GABRB1: variants seen among roughly 807,000 people sequenced by gnomAD.
The protein encoded by GABRB1 is gamma-aminobutyric acid receptor subunit beta-1.
A neutral mutation model predicts 51.6 loss-of-function variants in GABRB1; 17 were observed. The observed-to-expected ratio is 0.33, with a 90% CI of 0.23 to 0.49. The LOEUF (loss-of-function observed/expected upper bound fraction) is 0.49, where lower values mean the gene tolerates loss of function less well. Among genes scored for constraint, GABRB1 ranks in the 20% least tolerant of loss-of-function variants. The pLI, the probability that GABRB1 is intolerant of heterozygous loss-of-function variation, is 0.99. For synonymous variants in GABRB1, 247 were observed against 218.9 expected (o/e 1.13, Z -1.14); for missense variants, 410 against 600.6 (o/e 0.68, Z 3.32).
intron 5 of GABRB1, among the ~76,000 whole-genome samples, chr4:47,324,344 C>T (rs6447546): frequency 0.62 from 93,412 of 151,802 alleles, 28,866 homozygotes; most frequent in East Asian, 0.7. Flanking sequence ...TATCTCTAGT[C>T]CACACACATA....
intron 4 of GABRB1, among the ~76,000 whole-genome samples, chr4:47,197,919 T>G (rs1462862176): frequency 6.6e-6 from 1 of 152,206 alleles, no homozygotes; most frequent in Admixed American, 6.5e-5. Context: ...TTAAAGCATA[T>G]TCTTCCCAGT....
At chr4:47,381,760 C>G (rs142693006) in intron 5 of GABRB1, among the ~76,000 whole-genome samples, 97 of 152,302 alleles carry the variant, frequency 6.4e-4, no homozygotes, top group African/African-American at 2.2e-3. Context: ...CTCTTTCCCC[C>G]CTTCCCTGCC....
At chr4:47,380,491 GTC>G (rs1727557273) in intron 5 of GABRB1, among the ~76,000 whole-genome samples, 1 of 152,132 alleles carries the variant, frequency 6.6e-6, no homozygotes, top group Non-Finnish European at 1.5e-5. Context: ...CATGCTCAGA[GTC>G]CTTTAATTAG....
intron 4 of GABRB1, among the ~76,000 whole-genome samples, chr4:47,195,223 C>T (rs1219693921): frequency 2.0e-5 from 3 of 152,034 alleles, no homozygotes; most frequent in African/African-American, 7.2e-5. Flanking sequence ...AAAAATTAGC[C>T]GGGCATTGTG....
chr4:47,100,392 C>A (rs977995533), intron 3 of GABRB1, among the ~76,000 whole-genome samples: 1 of 152,006 alleles, frequency 6.6e-6, no homozygotes, highest in Non-Finnish European at 1.5e-5. Context: ...GCTGGTTAAA[C>A]CTCTTGAGGA....
chr4:47,025,235 G>A (rs1019853618), intron 1 of GABRB1, among the ~76,000 whole-genome samples: 1 of 151,522 alleles, frequency 6.6e-6, no homozygotes, highest in African/African-American at 2.4e-5. Context: ...TTCATATACT[G>A]ATTTATTTTC....
At chr4:47,398,569 GAGAGAGAGAC>G (rs1235964215) in intron 5 of GABRB1, among the ~76,000 whole-genome samples, 7 of 152,128 alleles carry the variant, frequency 4.6e-5, no homozygotes, top group African/African-American at 1.2e-4. Flanking sequence ...GAGAGAGAGA[GAGAGAGAGAC>G]AGAGAGAGAG....
chr4:47,131,415 C>A (rs1260274992), intron 3 of GABRB1, among the ~76,000 whole-genome samples: 6 of 152,194 alleles, frequency 3.9e-5, no homozygotes, highest in African/African-American at 1.4e-4. Flanking sequence ...GCCTCGGCCT[C>A]CCAAAGTGCT....
At chr4:47,345,429 G>A (rs946405213) in intron 5 of GABRB1, among the ~76,000 whole-genome samples, 2 of 152,134 alleles carry the variant, frequency 1.3e-5, no homozygotes, top group Non-Finnish European at 2.9e-5. Context: ...GAGTTTTTTT[G>A]AGATTGTGTC....
chr4:47,259,074 A>G (rs1057414208), intron 4 of GABRB1, among the ~76,000 whole-genome samples: 6 of 152,078 alleles, frequency 3.9e-5, no homozygotes, highest in Admixed American at 2.6e-4. Context: ...CATTGCCACC[A>G]TTGATGTGAT....
At chr4:47,300,096 G>A (rs1048281212) in intron 4 of GABRB1, among the ~76,000 whole-genome samples, 1 of 119,364 alleles carries the variant, frequency 8.4e-6, no homozygotes, top group Non-Finnish European at 1.7e-5. Context: ...GTTGTGGGGT[G>A]GGGGGAGGGG....
chr4:47,283,209 G>A (rs1388069846), intron 4 of GABRB1, among the ~76,000 whole-genome samples: 3 of 152,022 alleles, frequency 2.0e-5, no homozygotes, highest in African/African-American at 7.2e-5. Flanking sequence ...CTTGGCATTG[G>A]TGAGCTGGAT....
At chr4:47,295,349 A>T (rs1250738536) in intron 4 of GABRB1, among the ~76,000 whole-genome samples, 1 of 152,206 alleles carries the variant, frequency 6.6e-6, no homozygotes, top group African/African-American at 2.4e-5. Context: ...CAAAGAAGTT[A>T]AAAACTTTGA....
intron 4 of GABRB1, among the ~76,000 whole-genome samples, chr4:47,195,461 TGATAGATA>T (rs200527612): frequency 0.023 from 1,966 of 85,322 alleles, 15 homozygotes; most frequent in Admixed American, 0.026. Context: ...ATAGATTAGA[TGATAGATA>T]GATAGATAGA....
chr4:47,363,030 G>C (rs6846362), intron 5 of GABRB1, among the ~76,000 whole-genome samples: 4 of 113,214 alleles, frequency 3.5e-5, no homozygotes, highest in African/African-American at 9.8e-5. Context: ...GTGTGTGTGT[G>C]TGTGTGTGTG....
rs556544273 is a variant in GABRB1 at position 47,252,266 on chromosome 4, C to T, written c.462-67861C>T. On this transcript the variant is annotated intron_variant, in intron 4 of 8. Transcript: ENST00000295454. ...CAACTCCAAGTAAGGTCAGAAACTT[C>T]TCCCACAAACAGACTTTCAGTTTCT... is the stretch of plus-strand genomic sequence containing the variant. Among the ~76,000 whole-genome samples, 19 of 152,154 alleles carry T rather than the reference C, an allele frequency of 1.2e-4. 3 individuals are homozygous for T. In the South Asian group the frequency reaches 3.5e-3, roughly 28 times the overall value.
chr4:47,192,444 G>GA (rs1221090020), intron 4 of GABRB1, among the ~76,000 whole-genome samples: 1 of 151,994 alleles, frequency 6.6e-6, no homozygotes, highest in Non-Finnish European at 1.5e-5. Flanking sequence ...TGAACAGAAT[G>GA]AAAAAAGTAA....
At chr4:47,414,292 G>A (rs1487924391) in intron 8 of GABRB1, among the ~76,000 whole-genome samples, 1 of 152,168 alleles carries the variant, frequency 6.6e-6, no homozygotes, top group Non-Finnish European at 1.5e-5. Flanking sequence ...GGTGGTCAGA[G>A]CACAGTTTTG....
At chr4:47,030,216 C>T (rs1725244220), upstream of GABRB1, among the ~76,000 whole-genome samples, 1 of 152,138 alleles carries the variant, frequency 6.6e-6, no homozygotes, top group African/African-American at 2.4e-5. Context: ...TGTACCTTCA[C>T]TCTAAACTTC....
Sources: gnomAD v4.1 joint callset for allele counts (sites outside exome capture counted in the v4.1 genomes callset) on GRCh38, gnomAD v4.1.1 for gene constraint, MANE v1.5 for transcripts, NCBI Gene and HGNC (gene_info 2026-07-23, HGNC 2026-07-21) for gene names.